The following LRRN4 variants were observed in gnomAD, a reference collection of about 807,000 sequenced individuals.
LRRN4 encodes leucine-rich repeat neuronal protein 4.
LRRN4 carries 26 observed loss-of-function variants against 22.3 expected under a neutral mutation model. The observed-to-expected ratio is 1.16, with a 90% CI of 0.85 to 1.62. The LOEUF (loss-of-function observed/expected upper bound fraction) is 1.62. LRRN4 is among the 40% of genes most tolerant of loss of function. The pLI is 0.00. For synonymous variants in LRRN4, 496 were observed against 486.2 expected (o/e 1.02, Z -0.26); for missense variants, 1,070 against 1,008.5 (o/e 1.06, Z -0.83).
chr20:6,045,133 G>A (rs1317859201), intron 3 of LRRN4, among the ~76,000 whole-genome samples: 5 of 148,388 alleles, frequency 3.4e-5, no homozygotes, highest in Non-Finnish European at 4.5e-5. Flanking sequence ...ATGACTGATC[G>A]TTGTATCAAA....
rs1240426973 is a variant in LRRN4 at position 6,041,065 on chromosome 20, G to A, written c.2180C>T (p.Pro727Leu). ...CCCCAGCGGGTAATCATCAAAGGCC[G>A]GGTTTTTGTAGGCCACCAGGTGCGT... ...CDTHLVAYKN[P>L]AFDDYPLGLQ... The change falls in exon 5 of 5, where the codon CCG becomes CTG. Residue 727 changes from proline to leucine, a missense_variant. Pro to Leu is a moderately conservative substitution (Grantham distance 98). Transcript: ENST00000378858. The surrounding 1 kb of genome is among the most constrained non-coding windows in gnomAD (Gnocchi z 9.4). 1 of 1,613,990 alleles carries A rather than the reference G, an allele frequency of 6.2e-7. No homozygotes were observed. Among genetic ancestry groups the A allele is most frequent in the Admixed American group, 1.7e-5 (1 of 60,020 alleles).
chr20:6,047,425 T>TACACACACAC (rs57188958), intron 3 of LRRN4, among the ~76,000 whole-genome samples: 6 of 128,480 alleles, frequency 4.7e-5, no homozygotes, highest in South Asian at 2.6e-4. Flanking sequence ...CAGACACACA[T>TACACACACAC]ACACACACAC....
Position 6,052,228 on chromosome 20 carries a change from G to A in LRRN4, c.572C>T (p.Ala191Val). Residue 191 changes from alanine to valine, a missense_variant, in exon 2 of 5, where the codon GCC (alanine) becomes GTC (valine). Ala to Val is a moderately conservative substitution (Grantham distance 64, BLOSUM62 0). Coordinates refer to ENST00000378858, the MANE Select transcript of LRRN4 (RefSeq NM_152611.5). ...ATCCTCTCCAGCGAACGCCGCCTCG[G>A]CGATGCCCCCCTGGGCTCCGCGACC... is the stretch of plus-strand genomic sequence containing the variant. ...ALGRGAQGGI[A>V]EAAFAGEDGA... 1 of 1,578,432 alleles carries A rather than the reference G, an allele frequency of 6.3e-7. No individual in the cohort carries two copies. Among genetic ancestry groups the A allele is most frequent in the Non-Finnish European group, 8.6e-7 (1 of 1,162,992 alleles).
intron 3 of LRRN4, among the ~76,000 whole-genome samples, chr20:6,049,025 G>GT (rs1568642031): frequency 6.6e-6 from 1 of 152,188 alleles, no homozygotes; most frequent in African/African-American, 2.4e-5. Context: ...CTCCACAGAC[G>GT]TAAGTGTCCA....
At position 6,050,863 on chromosome 20, in the gene LRRN4, TC is replaced by T. The variant is rs1568642584; in HGVS notation, c.775del (p.Asp259ThrfsTer32). 1.2e-6 allele frequency: 2 copies of T among 1,614,086 alleles called. No individual in the cohort carries two copies. Among genetic ancestry groups the T allele is most frequent in the East Asian group, 2.2e-5 (1 of 44,882 alleles). On this transcript the variant is annotated frameshift_variant, in exon 3 of 5. Coordinates refer to ENST00000378858, the MANE Select transcript of LRRN4 (RefSeq NM_152611.5). LOFTEE classifies it high-confidence loss of function. The stretch of plus-strand genomic sequence containing the variant: ...AGCAAGTGCTGGGGAGTCCTGACAG[TC>T]CAGCTGCTGCAGGTTGGGGGTCATC... ...FKMTPNLQQL[D>X]CQDSPALASV... is the part of the protein sequence containing the mutation.
At chr20:6,045,327 A>G (rs1981077597) in intron 3 of LRRN4, among the ~76,000 whole-genome samples, 1 of 148,224 alleles carries the variant, frequency 6.7e-6, no homozygotes, top group Admixed American at 6.8e-5. Flanking sequence ...AATCCCAGTT[A>G]CTCGGGAGGC....
chr20:6,041,418 C>A lies in LRRN4; in HGVS notation c.1827G>T (p.Gly609=). The change falls in exon 5 of 5, where the codon GGG becomes GGT. Residue 609 remains glycine, a synonymous_variant. Coordinates refer to ENST00000378858, the MANE Select transcript of LRRN4 (RefSeq NM_152611.5). This position sits in a 1 kb window ranked among gnomAD's most constrained non-coding sequence, Gnocchi z 9.4. Reference sequence around the variant, plus strand: ...CCTCCGCAGAGTAGCGGATCTGGTACCCATGCACTACCGAGTTGGGGGCAC... The same window carrying A: ...CCTCCGCAGAGTAGCGGATCTGGTAACCATGCACTACCGAGTTGGGGGCAC... The part of the protein sequence containing the change: ...HWCAPNSVVH[G]YQIRYSAEGW... 1 of 1,561,500 alleles carries A rather than the reference C, an allele frequency of 6.4e-7. No individual in the cohort carries two copies. The highest frequency in any genetic ancestry group is 1.9e-5 in the Admixed American group (1 of 53,370).
In LRRN4 at chr20:6,044,680, G is replaced by A. The variant is rs1757729284; in HGVS notation, c.861C>T (p.Asn287=). ...AAGGAGGGAAGGAACTCAAGTTGCA[G>A]CTGAAATACAAACAAAAAAATTAAT... is the stretch of plus-strand genomic sequence containing the variant. The part of the protein sequence containing the change: ...TPHLQVLLFQ[N]CNLSSFPPWT... Residue 287 remains asparagine, a splice_region_variant and synonymous_variant, in exon 4 of 5, where the codon AAC becomes AAT. Transcript: ENST00000378858. 1 of 1,531,388 alleles carries A rather than the reference G, an allele frequency of 6.5e-7. No homozygotes were observed. Among genetic ancestry groups the A allele is most frequent in the Non-Finnish European group, 8.8e-7 (1 of 1,141,158 alleles). The allele number at this position is 1,531,388 out of a possible 1,614,324, so 94.9% of individuals were successfully genotyped here.
intron 3 of LRRN4, among the ~76,000 whole-genome samples, chr20:6,047,844 T>C (rs577344651): frequency 2.7e-5 from 4 of 149,424 alleles, no homozygotes; most frequent in African/African-American, 9.8e-5. Context: ...AAAGGGCCCA[T>C]AATATAAATG....
At chr20:6,047,451 CACACACACACACACACAGAG>C (rs1461434083) in intron 3 of LRRN4, among the ~76,000 whole-genome samples, 1 of 150,062 alleles carries the variant, frequency 6.7e-6, no homozygotes, top group African/African-American at 2.4e-5. Flanking sequence ...CACACACACA[CACACACACACACACACAGAG>C]ACACACACCA....
In LRRN4 at chr20:6,052,445, C is replaced by T; in HGVS notation, c.355G>A (p.Gly119Ser). ...NRIAALRWGP[G>S]GPAGLHTLDL... Reference sequence around the variant, plus strand: ...AGGGTGTGCAGCCCCGCCGGCCCACCCGGGCCCCAGCGCAGCGCGGCGATG... The same window carrying T: ...AGGGTGTGCAGCCCCGCCGGCCCACTCGGGCCCCAGCGCAGCGCGGCGATG... Residue 119 changes from glycine to serine, a missense_variant, in exon 2 of 5, where the codon GGT becomes AGT. Physicochemically the swap from Gly to Ser is moderately conservative, Grantham distance 56. Transcript: ENST00000378858. 1 of 1,552,564 alleles carries T rather than the reference C, an allele frequency of 6.4e-7. No homozygotes were observed. Among genetic ancestry groups the T allele is most frequent in the Non-Finnish European group, 8.6e-7 (1 of 1,158,174 alleles).
rs1251216977 is a variant in LRRN4 at position 6,041,361 on chromosome 20, G to A, written c.1884C>T (p.Val628=). ...GGTGCTGCCGGGCCGTGGCGTAGAT[G>A]ACCCCCACCACCGACTGGTTCCCCG... The part of the protein sequence containing the change: ...GWAGNQSVVG[V]IYATARQHPL... Residue 628 remains valine (V), a synonymous_variant, in exon 5 of 5, where the codon GTC becomes GTT. Transcript: ENST00000378858. This position sits in a 1 kb window ranked among gnomAD's most constrained non-coding sequence, Gnocchi z 9.4. The A allele has an allele frequency of 6.3e-6, 10 of 1,595,230 alleles. No individual in the cohort carries two copies. Among genetic ancestry groups the A allele is most frequent in the Non-Finnish European group, 8.5e-6 (10 of 1,172,848 alleles).
intron 3 of LRRN4, among the ~76,000 whole-genome samples, chr20:6,048,575 T>G (rs1017402482): frequency 4.6e-5 from 7 of 152,204 alleles, no homozygotes; most frequent in African/African-American, 1.4e-4. Flanking sequence ...TTTTTTCATC[T>G]GCGAAATGGG....
In LRRN4 at chr20:6,052,753, C is replaced by G; in HGVS notation, c.47G>C (p.Ser16Thr). 1 of 1,574,464 alleles carries G rather than the reference C, an allele frequency of 6.4e-7. No homozygotes were observed. ...PLLLLTVLRPSWADPPQEKVP... is the reference protein window; with the variant it reads ...PLLLLTVLRPTWADPPQEKVP... ...CTTCTCCTGGGGAGGGTCTGCCCAGCTGGGGCGCAGCACCGTCAGCAGCAG... is the reference window on the plus strand; with the variant it reads ...CTTCTCCTGGGGAGGGTCTGCCCAGGTGGGGCGCAGCACCGTCAGCAGCAG... The change falls in exon 2 of 5, where the codon AGC becomes ACC. Residue 16 changes from serine (S) to threonine (T), a missense_variant. Transcript: ENST00000378858.
rs1980929841 is a variant in LRRN4 at position 6,041,289 on chromosome 20, C to T, written c.1956G>A (p.Leu652=). The stretch of plus-strand genomic sequence containing the variant: ...GGCTCAAGCCCGCCCTGTTGGCCGC[C>T]AGCACGCACACGCGGTAGGTGGTGC... ...SPGTTYRVCV[L]AANRAGLSQP... Residue 652 remains leucine (L), a synonymous_variant, in exon 5 of 5, where the codon CTG becomes CTA. Coordinates refer to ENST00000378858, the MANE Select transcript of LRRN4 (RefSeq NM_152611.5). The surrounding 1 kb of genome is among the most constrained non-coding windows in gnomAD (Gnocchi z 9.4). 1.3e-6 allele frequency: 2 copies of T among 1,593,292 alleles called. No individual in the cohort carries two copies. The highest frequency in any genetic ancestry group is 1.7e-6 in the Non-Finnish European group (2 of 1,172,928).
rs778790357 is a variant in LRRN4, at chr20:6,042,169, G to A, written c.1076C>T (p.Pro359Leu). Residue 359 changes from proline to leucine, a missense_variant, in exon 5 of 5, where the codon CCC (proline) becomes CTC (leucine). Pro to Leu is a moderately conservative substitution (Grantham distance 98). Transcript: ENST00000378858. ...FSASLSLSQL[P>L]GVCQSDQSTT... ...GCTTTGGTCGGACTGGCACACTCCG[G>A]GCAGCTGGGAGAGTGACAGGGAGGC... The A allele has an allele frequency of 1.9e-6, 3 of 1,614,118 alleles. No homozygotes were observed. Among genetic ancestry groups the A allele is most frequent in the Admixed American group, 1.7e-5 (1 of 60,036 alleles).
intron 2 of LRRN4, 97 bp downstream of exon 2, chr20:6,052,048 C>T: frequency 1.4e-6 from 2 of 1,407,640 alleles, no homozygotes; most frequent in Non-Finnish European, 1.9e-6. Context: ...GCACCCGGGT[C>T]ACCCCTCGAG....
In LRRN4 at chr20:6,049,635, G is replaced by A. The variant is rs545530244; in HGVS notation, c.860+1144C>T. ...CCTGCCTCAGCTTCCCAAGTAGCTGGGACTACAGACACATGCCACCATGCC... is the reference window on the plus strand; with the variant it reads ...CCTGCCTCAGCTTCCCAAGTAGCTGAGACTACAGACACATGCCACCATGCC... On this transcript the variant is annotated intron_variant, in intron 3 of 4. Transcript: ENST00000378858. Among the ~76,000 whole-genome samples, 22 of 152,166 alleles carry A rather than the reference G, an allele frequency of 1.4e-4. No individual in the cohort carries two copies. The South Asian group carries it at 4.6e-3, about 32-fold the overall frequency.
chr20:6,052,149 T>C lies in LRRN4; in HGVS notation c.651A>G (p.Glu217=). Residue 217 remains glutamate, a synonymous_variant, in exon 2 of 5, where the codon GAA becomes GAG. Transcript: ENST00000378858. ...ACGCGGGGCGCCCGGACTCACCCCG[T>C]TCAAGGAACGTGCCGCTGAGATCCA... ...EVLDLSGTFL[E]RVESGWIRDL... 2 of 1,593,292 alleles carry C rather than the reference T, an allele frequency of 1.3e-6. No homozygotes were observed. Among genetic ancestry groups the C allele is most frequent in the Non-Finnish European group, 1.7e-6 (2 of 1,170,898 alleles).
Sources: gnomAD v4.1 joint callset for allele counts (sites outside exome capture counted in the v4.1 genomes callset) on GRCh38, gnomAD v4.1.1 for gene constraint, Gnocchi (gnomAD v3.1) non-coding constraint, MANE v1.5 for transcripts, NCBI Gene and HGNC (gene_info 2026-07-23, HGNC 2026-07-21) for gene names.